The following ZNF678 variants were observed in gnomAD, a reference collection of about 807,000 sequenced individuals.
ZNF678 encodes the protein zinc finger protein 678.
Under a neutral mutation model 3.0 loss-of-function variants are expected in ZNF678, and 5 were observed. The ratio of observed to expected loss-of-function variants is 1.69; its 90% CI spans 0.88 to 3.56. The LOEUF is 3.56. Ranked by LOEUF, ZNF678 falls within the 30% of genes most tolerant of loss-of-function variation. ZNF678 has a pLI of 0.00. For missense variants in ZNF678, 593 were observed against 605.0 expected (o/e 0.98, Z 0.21); for synonymous variants, 218 against 199.6 (o/e 1.09, Z -0.78).
chr1:227,606,603 T>C (rs1239688925), intron 1 of ZNF678, among the ~76,000 whole-genome samples: 1 of 152,132 alleles, frequency 6.6e-6, no homozygotes, highest in East Asian at 1.9e-4. Flanking sequence ...ACAGACCCTT[T>C]ACGGGTGTTG....
downstream of ZNF678, among the ~76,000 whole-genome samples, chr1:227,677,924 C>T (rs1041580054): frequency 1.3e-5 from 2 of 152,168 alleles, no homozygotes; most frequent in Non-Finnish European, 2.9e-5. Context: ...TACTCATCAC[C>T]ATTGACAATC....
intron 1 of ZNF678, among the ~76,000 whole-genome samples, chr1:227,609,945 G>T (rs1657973448): frequency 6.6e-6 from 1 of 152,104 alleles, no homozygotes; most frequent in Non-Finnish European, 1.5e-5. Flanking sequence ...TTGTTAGCCA[G>T]GATGGTCTCG....
rs570375351 is a variant in ZNF678 at position 227,642,781 on chromosome 1, AG to A, written c.-163-3761del. Among the ~76,000 whole-genome samples the A allele has an allele frequency of 5.2e-3, 795 of 151,978 alleles. 6 individuals are homozygous for A. The highest frequency in any genetic ancestry group is 7.6e-3 in the Admixed American group (115 of 15,218). The stretch of plus-strand genomic sequence containing the variant: ...CTTTCATCTCAGTGGAAGAGAAATA[AG>A]GCATCTGGGGTTTGTTTCTCCCCTC... On this transcript the variant is annotated intron_variant, in intron 1 of 3. Transcript: ENST00000343776.
At chr1:227,668,454 CAT>C (rs756324937) in intron 5 of ZNF678, among the ~76,000 whole-genome samples, 1 of 152,174 alleles carries the variant, frequency 6.6e-6, no homozygotes, top group Admixed American at 6.5e-5. Flanking sequence ...AGTCCACACA[CAT>C]ATATGGTCCA....
At chr1:227,580,276 A>G (rs1008885385) in intron 1 of ZNF678, among the ~76,000 whole-genome samples, 2 of 151,976 alleles carry the variant, frequency 1.3e-5, no homozygotes, top group African/African-American at 4.8e-5. Flanking sequence ...TCCCTCTGTG[A>G]GAGCTGTTCT....
At chr1:227,670,085 T>G (rs1210349034) in intron 5 of ZNF678, among the ~76,000 whole-genome samples, 1 of 152,200 alleles carries the variant, frequency 6.6e-6, no homozygotes, top group Non-Finnish European at 1.5e-5. Flanking sequence ...TAAAGCAGAT[T>G]AACTCTGGAA....
rs1483641025 is a variant in ZNF678 at position 227,644,257 on chromosome 1, CT to C, written c.-163-2285del. 2.6e-5 allele frequency among the ~76,000 whole-genome samples: 4 copies of C among 152,162 alleles called. No homozygotes were observed. The East Asian group carries it at 7.7e-4, about 29-fold the overall frequency. ...TTTACATCCTGGCAATTATGAGACA[CT>C]TCGCACCTACCTCTCGGGGTTTTAT... On this transcript the variant is annotated intron_variant, in intron 1 of 3. Coordinates refer to ENST00000343776, the MANE Select transcript of ZNF678 (RefSeq NM_001367909.1).
chr1:227,568,446 GTGTTT>G (rs1441614116), intron 1 of ZNF678, among the ~76,000 whole-genome samples: 3 of 152,092 alleles, frequency 2.0e-5, no homozygotes, highest in Admixed American at 2.0e-4. Flanking sequence ...AATGAGAAGA[GTGTTT>G]CTTTTCATTC....
intron 1 of ZNF678, among the ~76,000 whole-genome samples, chr1:227,625,941 G>A (rs1276105876): frequency 6.6e-6 from 1 of 152,166 alleles, no homozygotes; most frequent in Non-Finnish European, 1.5e-5. Flanking sequence ...GAGTGGTAGA[G>A]TTATAGTAGT....
rs1659214071 is a variant in ZNF678 at position 227,655,425 on chromosome 1, T to C, written c.1175T>C (p.Leu392Pro). 2 of 1,612,448 alleles carry C rather than the reference T, an allele frequency of 1.2e-6. No homozygotes were observed. Among genetic ancestry groups the C allele is most frequent in the African/African-American group, 2.7e-5 (2 of 74,870 alleles). ...CGKAFNKFSS[L>P]TQHRRIHTGV... ...AAAGCGTTTAACAAGTTCTCAAGCC[T>C]TACTCAACATAGGAGAATTCATACT... Residue 392 changes from leucine (L) to proline (P), a missense_variant, in exon 4 of 4, where the codon CTT (leucine) becomes CCT (proline). Leu to Pro is a moderately conservative substitution (Grantham distance 98, BLOSUM62 -3). Transcript: ENST00000343776.
At chr1:227,646,370 A>G (rs577598521) in intron 1 of ZNF678, among the ~76,000 whole-genome samples, 174 bp from the exon 2 acceptor site, 1 of 152,360 alleles carries the variant, frequency 6.6e-6, no homozygotes, top group African/African-American at 2.4e-5. Flanking sequence ...ATCTTATGCC[A>G]TCCTCTTTCC....
chr1:227,641,205 C>T (rs1287520513), intron 1 of ZNF678, among the ~76,000 whole-genome samples: 1 of 152,108 alleles, frequency 6.6e-6, no homozygotes, highest in Non-Finnish European at 1.5e-5. Flanking sequence ...AGATCTGAGC[C>T]CCTCCTGGGT....
At chr1:227,584,098 A>G (rs891242693) in intron 1 of ZNF678, among the ~76,000 whole-genome samples, 1 of 152,228 alleles carries the variant, frequency 6.6e-6, no homozygotes, top group African/African-American at 2.4e-5. Flanking sequence ...GACCTTTAAA[A>G]TGTACATTGT....
rs1659359235 is a variant in ZNF678, at chr1:227,660,001, C to A, written c.*4173C>A. ...ATCATTTAACAGATAATTCTCTAAG[C>A]CCCCTTCTCCTAAAACTTCAGCATC... is the stretch of plus-strand genomic sequence containing the variant. On this transcript the variant is annotated 3_prime_UTR_variant, in exon 4 of 4. Transcript: ENST00000343776. 6.6e-6 allele frequency: 1 copy of A among 152,102 alleles called. No individual in the cohort carries two copies. Among genetic ancestry groups the A allele is most frequent in the South Asian group, 2.1e-4 (1 of 4,828 alleles). The allele number at this position is 152,102 out of a possible 1,614,324, so 9.4% of individuals were successfully genotyped here.
Position 227,638,387 on chromosome 1 carries a change from G to A in ZNF678, c.-163-8157G>A, listed in dbSNP as rs752187362. 2.6e-5 allele frequency among the ~76,000 whole-genome samples: 4 copies of A among 152,180 alleles called. No homozygotes were observed. Among genetic ancestry groups the A allele is most frequent in the Non-Finnish European group, 4.4e-5 (3 of 68,034 alleles). ...GCTTTTTAACAGATAGAACTGGTGT[G>A]TTAAAAGGGGATTTTGTTGGGCAGA... On this transcript the variant is annotated intron_variant, in intron 1 of 3. Coordinates refer to ENST00000343776, the MANE Select transcript of ZNF678 (RefSeq NM_001367909.1). This position sits in a 1 kb window ranked among gnomAD's most constrained non-coding sequence, Gnocchi z 4.2.
Position 227,659,587 on chromosome 1 carries a change from A to G in ZNF678, c.*3759A>G, listed in dbSNP as rs999673410. 3 of 152,162 alleles carry G rather than the reference A, an allele frequency of 2.0e-5. No individual in the cohort carries two copies. In the South Asian group the frequency reaches 6.2e-4, roughly 32 times the overall value. 9.4% of individuals were successfully genotyped at this position (152,162 alleles called of 1,614,324 possible). On this transcript the variant is annotated 3_prime_UTR_variant, in exon 4 of 4. Transcript: ENST00000343776. ...CTGGTTCTAGAACATGCTGGTAAAT[A>G]TCAGAGTTTCTATGCTTATGGCTGA...
At chr1:227,568,667 G>A (rs1265862831) in intron 1 of ZNF678, among the ~76,000 whole-genome samples, 1 of 152,200 alleles carries the variant, frequency 6.6e-6, no homozygotes, top group East Asian at 1.9e-4. Context: ...TTGAACTTGA[G>A]TATGCGGTTA....
At position 227,656,036 on chromosome 1, in the gene ZNF678, A is replaced by T. The variant is rs1659240504; in HGVS notation, c.*208A>T. ...ATCTGTACTAGAGGAAAAACCCTTA[A>T]ACAATTATTCAGACTTTATTCAACT... On this transcript the variant is annotated 3_prime_UTR_variant, in exon 4 of 4. Transcript: ENST00000343776. 1 of 405,840 alleles carries T rather than the reference A, an allele frequency of 2.5e-6. No homozygotes were observed. Among genetic ancestry groups the T allele is most frequent in the African/African-American group, 2.1e-5 (1 of 48,366 alleles). 25.1% of individuals were successfully genotyped at this position (405,840 alleles called of 1,614,324 possible).
At chr1:227,610,871 T>G (rs1292805708) in intron 1 of ZNF678, among the ~76,000 whole-genome samples, 1 of 152,182 alleles carries the variant, frequency 6.6e-6, no homozygotes, top group Non-Finnish European at 1.5e-5. Flanking sequence ...TTTCTTAACC[T>G]TTTAACTTCC....
Sources: gnomAD v4.1 joint callset for allele counts (sites outside exome capture counted in the v4.1 genomes callset) on GRCh38, gnomAD v4.1.1 for gene constraint, Gnocchi (gnomAD v3.1) non-coding constraint, MANE v1.5 for transcripts, NCBI Gene and HGNC (gene_info 2026-07-23, HGNC 2026-07-21) for gene names.